ATAD2B: variants seen among roughly 807,000 people sequenced by gnomAD.
ATAD2B encodes ATPase family AAA domain-containing protein 2B.
ATAD2B carries 40 observed loss-of-function variants against 167.6 expected under a neutral mutation model. The observed-to-expected ratio is 0.24, with a 90% confidence interval of 0.19 to 0.31. The LOEUF (loss-of-function observed/expected upper bound fraction) is 0.31. Among genes scored for constraint, ATAD2B ranks in the 10% least tolerant of loss-of-function variants. ATAD2B has a pLI of 1.00. For synonymous variants in ATAD2B, 579 were observed against 596.5 expected, an observed-to-expected ratio of 0.97 and a Z score of 0.43; for missense variants, 1,242 against 1,757.2, an observed-to-expected ratio of 0.71 and a Z score of 5.24.
rs1675058915 is a variant in ATAD2B at position 23,748,716 on chromosome 2, T to A, written c.*3330A>T. 6.6e-6 allele frequency: 1 copy of A among 152,188 alleles called. No individual in the cohort carries two copies. Among genetic ancestry groups the A allele is most frequent in the African/African-American group, 2.4e-5 (1 of 41,456 alleles). 9.4% of individuals were successfully genotyped at this position (152,188 alleles called of 1,614,324 possible). On this transcript the variant is annotated 3_prime_UTR_variant, in exon 28 of 28. Transcript: ENST00000238789. The stretch of plus-strand genomic sequence containing the variant: ...ATTTCACAGCAGTTATATTACAAAT[T>A]ACAGTAAATGTTCAAATTCCAGAAT...
chr2:23,842,599 A>T (rs2149817996), intron 13 of ATAD2B, among the ~76,000 whole-genome samples: 1 of 152,248 alleles, frequency 6.6e-6, no homozygotes, highest in East Asian at 1.9e-4. Context: ...AATATGCAAC[A>T]GGGGTTGGGA....
the ATAD2B span, among the ~76,000 whole-genome samples, chr2:23,681,576 G>A: frequency 5.3e-5 from 8 of 152,138 alleles, no homozygotes; most frequent in African/African-American, 1.7e-4. The surrounding 1 kb of genome is among the most constrained non-coding windows in gnomAD (Gnocchi z 4.2). Context: ...AGGCATGTGG[G>A]GCCACATCTG....
At chr2:23,709,048 C>CT in the ATAD2B span, among the ~76,000 whole-genome samples, 952 of 151,412 alleles carry the variant, frequency 6.3e-3, 10 homozygotes, top group African/African-American at 0.02. Flanking sequence ...TTCTTTTTTT[C>CT]TTTTTTATTG....
intron 17 of ATAD2B, among the ~76,000 whole-genome samples, chr2:23,816,391 A>G (rs1429476690): frequency 6.6e-6 from 1 of 152,172 alleles, no homozygotes; most frequent in African/African-American, 2.4e-5. Context: ...TGAAAACTTC[A>G]AATTTTACCA....
At chr2:23,915,287 T>C (rs1702874825) in intron 1 of ATAD2B, among the ~76,000 whole-genome samples, 1 of 152,112 alleles carries the variant, frequency 6.6e-6, no homozygotes, top group South Asian at 2.1e-4. Context: ...CTAAACATGT[T>C]AAATAGAGGG....
In ATAD2B at chr2:23,859,198, T is replaced by C. The variant is rs1007082385; in HGVS notation, c.1480-1695A>G. On this transcript the variant is annotated intron_variant, in intron 12 of 27. Coordinates refer to ENST00000238789, the MANE Select transcript of ATAD2B (RefSeq NM_017552.4). ...ATTCTTATTTATAAGATGGATACAT[T>C]ATATATCCATAAAAGTCATTTATAT... Among the ~76,000 whole-genome samples the C allele has an allele frequency of 3.9e-5, 6 of 152,332 alleles. No individual in the cohort carries two copies. The East Asian group carries it at 1.2e-3, about 29-fold the overall frequency.
chr2:23,754,409 G>GTT (rs1675710351), intron 26 of ATAD2B, 102 bp from the exon 27 acceptor site: 2 of 1,267,952 alleles, frequency 1.6e-6, no homozygotes, highest in South Asian at 2.9e-5. Context: ...AAGCGAGGAT[G>GTT]TAACAGTGAA....
At chr2:23,730,032 G>A in the ATAD2B span, among the ~76,000 whole-genome samples, 1 of 152,088 alleles carries the variant, frequency 6.6e-6, no homozygotes. Flanking sequence ...TGAACAACAT[G>A]AGCAATCAAT....
chr2:23,738,651 A>G, the ATAD2B span, among the ~76,000 whole-genome samples: 1 of 152,252 alleles, frequency 6.6e-6, no homozygotes, highest in South Asian at 2.1e-4. Context: ...CTAACGGGCA[A>G]AATAATCAGC....
the ATAD2B span, among the ~76,000 whole-genome samples, chr2:23,698,699 A>ATTT: frequency 6.6e-6 from 1 of 152,184 alleles, no homozygotes; most frequent in African/African-American, 2.4e-5. Flanking sequence ...ATAGCAATAT[A>ATTT]TTGCAGTCAC....
chr2:23,882,816 A>G (rs1158215381), intron 6 of ATAD2B, among the ~76,000 whole-genome samples: 2 of 147,484 alleles, frequency 1.4e-5, no homozygotes, highest in Non-Finnish European at 3.0e-5. Context: ...TCTCAACAAC[A>G]ACAACAACAA....
At chr2:23,706,832 C>T in the ATAD2B span, 4 of 549,750 alleles carry the variant, frequency 7.3e-6, no homozygotes, top group Non-Finnish European at 1.2e-5. Flanking sequence ...AAATCATCCT[C>T]GCCTTTGGAT....
chr2:23,875,478 C>T (rs1305382557), intron 8 of ATAD2B, among the ~76,000 whole-genome samples: 1 of 150,940 alleles, frequency 6.6e-6, no homozygotes, highest in African/African-American at 2.4e-5. Context: ...CAGCCTCCAG[C>T]CTGAGGGACA....
chr2:23,780,037 G>A (rs1008183164), intron 22 of ATAD2B, among the ~76,000 whole-genome samples: 2 of 152,226 alleles, frequency 1.3e-5, no homozygotes, highest in African/African-American at 4.8e-5. Context: ...TTGAACCCAG[G>A]AGTTTGAGAC....
intron 15 of ATAD2B, among the ~76,000 whole-genome samples, chr2:23,826,155 GC>G (rs1688220642): frequency 6.6e-6 from 1 of 152,106 alleles, no homozygotes; most frequent in Admixed American, 6.6e-5. Context: ...ATCTCTGGGG[GC>G]TTGAAATCAT....
rs11887019 is a variant in ATAD2B at position 23,854,963 on chromosome 2, G to A, written c.1568+2452C>T. On this transcript the variant is annotated intron_variant, in intron 13 of 27. Coordinates refer to ENST00000238789, the MANE Select transcript of ATAD2B (RefSeq NM_017552.4). ...TAATCCCAGCACTTTGGGAGGCCAC[G>A]GCAGGCAGATCACTTGAGGTCAAGA... Among the ~76,000 whole-genome samples, 515 of 152,272 alleles carry A rather than the reference G, an allele frequency of 3.4e-3. 3 individuals are homozygous for A. The highest frequency in any genetic ancestry group is 0.012 in the African/African-American group (493 of 41,568).
the ATAD2B span, among the ~76,000 whole-genome samples, chr2:23,728,399 T>A: frequency 6.6e-6 from 1 of 151,848 alleles, no homozygotes; most frequent in Non-Finnish European, 1.5e-5. Context: ...GGTAGAGGGG[T>A]TGGGGCACTG....
chr2:23,791,700 A>G (rs1228814427), intron 19 of ATAD2B, among the ~76,000 whole-genome samples: 1 of 152,212 alleles, frequency 6.6e-6, no homozygotes, highest in Non-Finnish European at 1.5e-5. Context: ...TCCATGTTAC[A>G]ACATGCATCA....
chr2:23,909,545 A>G (rs1701971517), intron 1 of ATAD2B, among the ~76,000 whole-genome samples: 1 of 152,020 alleles, frequency 6.6e-6, no homozygotes, highest in South Asian at 2.1e-4. Context: ...GGTATAACCT[A>G]TGAGTTGTTT....
Sources: gnomAD v4.1 joint callset for allele counts (sites outside exome capture counted in the v4.1 genomes callset) on GRCh38, gnomAD v4.1.1 for gene constraint, Gnocchi (gnomAD v3.1) non-coding constraint, MANE v1.5 for transcripts, NCBI Gene and HGNC (gene_info 2026-07-23, HGNC 2026-07-21) for gene names.